SYS1: variants seen among roughly 807,000 people sequenced by gnomAD.
SYS1 encodes protein SYS1 homolog.
SYS1 carries 8 observed loss-of-function variants against 17.8 expected under a neutral mutation model. The observed-to-expected ratio is 0.45, with a 90% CI of 0.26 to 0.81. The LOEUF (loss-of-function observed/expected upper bound fraction) is 0.81. Among genes scored for constraint, SYS1 ranks in the 40% least tolerant of loss-of-function variants. SYS1 has a pLI of 0.16. For synonymous variants in SYS1, 95 were observed against 90.9 expected, an observed-to-expected ratio of 1.05 and a Z score of -0.26; for missense variants, 161 against 203.9, an observed-to-expected ratio of 0.79 and a Z score of 1.28.
chr20:45,373,322 G>C (rs1988613807), downstream of SYS1: 1 of 158,118 alleles, frequency 6.3e-6, no homozygotes, highest in Non-Finnish European at 1.4e-5. Context: ...TGTGATCTGT[G>C]ACCAAGGCAG....
chr20:45,362,325 T>C (rs1239316928), upstream of SYS1, among the ~76,000 whole-genome samples: 5 of 151,374 alleles, frequency 3.3e-5, no homozygotes, highest in Admixed American at 1.3e-4. Flanking sequence ...ATCAATGTTG[T>C]AGTGTTGAGG....
intron 1 of SYS1, 34 bp from the exon 2 acceptor site, chr20:45,363,495 G>T (rs903984487): frequency 6.8e-5 from 106 of 1,560,896 alleles, no homozygotes; most frequent in Non-Finnish European, 8.7e-5. Context: ...ATGGAGACAG[G>T]CCGCTGGCTG....
rs1175204693 is a variant in SYS1 at position 45,363,229 on chromosome 20, C to T, written c.-90C>T. 4 of 1,153,774 alleles carry T rather than the reference C, an allele frequency of 3.5e-6. No homozygotes were observed. Among genetic ancestry groups the T allele is most frequent in the African/African-American group, 3.2e-5 (2 of 62,152 alleles). 71.5% of individuals were successfully genotyped at this position (1,153,774 alleles called of 1,614,324 possible). On this transcript the variant is annotated 5_prime_UTR_variant, in exon 1 of 4. Transcript: ENST00000243918. Reference sequence around the variant, plus strand: ...CTCTAGGCCGGCAGCGCCTCTCCTCCATGGTCCTGTCTGTCAGCGCTGTTT... The same window carrying T: ...CTCTAGGCCGGCAGCGCCTCTCCTCTATGGTCCTGTCTGTCAGCGCTGTTT...
At position 45,374,845 on chromosome 20, in the gene SYS1, C is replaced by T. The variant is rs575994826; in HGVS notation, c.*551C>T. On this transcript the variant is annotated 3_prime_UTR_variant, in exon 4 of 4. Coordinates refer to the SYS1 transcript ENST00000426004. Reference sequence around the variant, plus strand: ...CTAGCTGTATCCTGAGACGCCTCAACCTAGTCACTACCCTTCTGTATGATG... The same window carrying T: ...CTAGCTGTATCCTGAGACGCCTCAATCTAGTCACTACCCTTCTGTATGATG... 50 of 696,276 alleles carry T rather than the reference C, an allele frequency of 7.2e-5. No homozygotes were observed. In the East Asian group the frequency reaches 1.3e-3, roughly 19 times the overall value. The allele number at this position is 696,276 out of a possible 1,614,324, so 43.1% of individuals were successfully genotyped here.
At chr20:45,363,981 T>TGATACTCTGGGAAAGTGACTGAGAAC (rs1348838570) in intron 2 of SYS1, among the ~76,000 whole-genome samples, 2 of 152,236 alleles carry the variant, frequency 1.3e-5, no homozygotes, top group Non-Finnish European at 2.9e-5. Flanking sequence ...ACTTGATTTC[T>TGATACTCTGGGAAAGTGACTGAGAAC]CTGAGCTAGG....
chr20:45,366,965 G>C lies in SYS1; in HGVS notation c.321G>C (p.Trp107Cys). 3 of 1,614,150 alleles carry C rather than the reference G, an allele frequency of 1.9e-6. No individual in the cohort carries two copies. Among genetic ancestry groups the C allele is most frequent in the Non-Finnish European group, 2.5e-6 (3 of 1,180,036 alleles). The part of the protein sequence containing the change: ...TVHFFHLLGC[W>C]FYSSRFPSAL... The stretch of plus-strand genomic sequence containing the variant: ...ATTTCTTTCACCTCCTGGGCTGCTG[G>C]TTCTACAGCTCCCGTTTCCCCTCGG... Residue 107 changes from tryptophan to cysteine, a missense_variant, in exon 4 of 4, where the codon TGG becomes TGC. Trp to Cys is a radical substitution (Grantham distance 215). Coordinates refer to ENST00000243918, the MANE Select transcript of SYS1 (RefSeq NM_033542.4).
At chr20:45,375,432 C>G (rs1568922761) in exon 4 of SYS1, 1 of 1,614,172 alleles carries the variant, frequency 6.2e-7, no homozygotes, top group Admixed American at 1.7e-5. Context: ...ACTCCTTGTA[C>G]TCTTTTTTCT....
chr20:45,363,350 G>A, intron 1 of SYS1, 35 bp downstream of exon 1: 1 of 1,427,558 alleles, frequency 7.0e-7, no homozygotes, highest in Non-Finnish European at 9.1e-7. Context: ...TGTACGGGCG[G>A]GGGCCGCGCA....
intron 3 of SYS1, among the ~76,000 whole-genome samples, chr20:45,366,553 C>A (rs1988420479): frequency 6.6e-6 from 1 of 152,210 alleles, no homozygotes; most frequent in South Asian, 2.1e-4. Flanking sequence ...GGCCAACCTT[C>A]TAGCATGATA....
At chr20:45,362,593 C>T (rs1280754577), upstream of SYS1, among the ~76,000 whole-genome samples, 15 of 152,096 alleles carry the variant, frequency 9.9e-5, no homozygotes, top group African/African-American at 2.9e-4. Context: ...CTCGAAACAC[C>T]GACCTCAGGT....
rs779686519 is a variant in SYS1, at chr20:45,375,144, C to T, written c.*850C>T. 33 of 1,613,994 alleles carry T rather than the reference C, an allele frequency of 2.0e-5. No individual in the cohort carries two copies. The Middle Eastern group carries it at 8.2e-4, about 40-fold the overall frequency. Reference sequence around the variant, plus strand: ...AGGATCTGCACATCACCCTGGGCGCCGGGAGGTGGATTCGTGTGGGCAGCC... The same window carrying T: ...AGGATCTGCACATCACCCTGGGCGCTGGGAGGTGGATTCGTGTGGGCAGCC... On this transcript the variant is annotated 3_prime_UTR_variant, in exon 4 of 4. Coordinates refer to the SYS1 transcript ENST00000426004.
chr20:45,362,953 A>T (rs865886428), upstream of SYS1: 13 of 259,678 alleles, frequency 5.0e-5, no homozygotes, highest in Non-Finnish European at 7.8e-5. Context: ...CTTCCTTTAA[A>T]AAAAGAATTC....
rs531547090 is a variant in SYS1 at position 45,364,662 on chromosome 20, G to A, written c.163-957G>A. ...AATTTTTTGTATTTTTAGTAGAGAC[G>A]GGGTTTCACCGTTTTAGCCGGGATG... On this transcript the variant is annotated intron_variant, in intron 2 of 3. Transcript: ENST00000243918. Among the ~76,000 whole-genome samples, 141 of 151,628 alleles carry A rather than the reference G, an allele frequency of 9.3e-4. 1 individual carries two copies. The highest frequency in any genetic ancestry group is 2.7e-3 in the South Asian group (13 of 4,800).
rs2743430 is a variant in SYS1, at chr20:45,367,814, G to T, written c.*699G>T. On this transcript the variant is annotated 3_prime_UTR_variant, in exon 4 of 4. Transcript: ENST00000243918. ...AACATAGCAGGCCATAGGACCCAGA[G>T]AAGAATCCCAGCGTTGCTCAAAGTC... 132,581 of 985,900 alleles carry T rather than the reference G, an allele frequency of 0.13. 9,600 individuals carry two copies. Among genetic ancestry groups the T allele is most frequent in the South Asian group, 0.31 (6,630 of 21,288 alleles). The allele number at this position is 985,900 out of a possible 1,614,324, so 61.1% of individuals were successfully genotyped here. A position where few individuals can be genotyped will look rare whatever the true frequency, so the allele number is the denominator to read the frequency against.
At chr20:45,372,861 G>A (rs1457759076), downstream of SYS1, 1 of 150,316 alleles carries the variant, frequency 6.7e-6, no homozygotes, top group Non-Finnish European at 1.5e-5. Flanking sequence ...GCCCAGGCTG[G>A]TCCGCGCGGC....
At chr20:45,369,270 C>T (rs1431267403), downstream of SYS1, 2 of 152,062 alleles carry the variant, frequency 1.3e-5, no homozygotes, top group African/African-American at 4.8e-5. Context: ...TCACAAGAAC[C>T]CTCTGAAGTA....
At chr20:45,374,316 A>C (rs1264236787) in exon 4 of SYS1, 7 of 693,102 alleles carry the variant, frequency 1.0e-5, no homozygotes, top group Non-Finnish European at 1.8e-5. Context: ...TCTCTTGCCC[A>C]GGCTGGAGTG....
upstream of SYS1, chr20:45,362,104 G>A (rs1184992133): frequency 2.5e-6 from 2 of 813,432 alleles, no homozygotes; most frequent in African/African-American, 3.7e-5. Context: ...TCCACTATTC[G>A]GATTTGGAAG....
intron 2 of SYS1, among the ~76,000 whole-genome samples, chr20:45,364,438 A>G (rs1425127771): frequency 2.0e-5 from 3 of 148,750 alleles, no homozygotes; most frequent in Non-Finnish European, 4.4e-5. Context: ...TCTAAGAGGC[A>G]GCTGTGGCGT....
Sources: allele counts gnomAD v4.1 joint callset (sites outside exome capture counted in the v4.1 genomes callset), GRCh38; gene constraint gnomAD v4.1.1; transcripts MANE v1.5; gene names NCBI Gene and HGNC (gene_info 2026-07-23, HGNC 2026-07-21).